The following ACOT12 variants were observed in gnomAD, a reference collection of about 807,000 sequenced individuals.
ACOT12 encodes acetyl-coenzyme A thioesterase.
ACOT12 carries 51 observed loss-of-function variants against 67.7 expected under a neutral mutation model. That is an observed-to-expected ratio of 0.75 (90% CI 0.60 to 0.95). The LOEUF (loss-of-function observed/expected upper bound fraction) is 0.95. ACOT12 is among the 40% of genes least tolerant of loss of function. ACOT12 has a pLI of 0.00. For missense variants in ACOT12, 734 were observed against 708.1 expected (o/e 1.04, Z -0.41); for synonymous variants, 251 against 244.6 (o/e 1.03, Z -0.24).
At chr5:81,390,102 A>G (rs971891939) in intron 1 of ACOT12, among the ~76,000 whole-genome samples, 5 of 150,248 alleles carry the variant, frequency 3.3e-5, no homozygotes, top group African/African-American at 1.2e-4. Flanking sequence ...CTACAGGTAC[A>G]TGCTACCATG....
chr5:81,373,512 A>G (rs1760317287), intron 2 of ACOT12, among the ~76,000 whole-genome samples: 1 of 152,180 alleles, frequency 6.6e-6, no homozygotes, highest in African/African-American at 2.4e-5. Flanking sequence ...AACACCAGCA[A>G]GACAAAACCA....
At chr5:81,358,028 A>AG (rs1308984269) in intron 5 of ACOT12, among the ~76,000 whole-genome samples, 3 of 137,004 alleles carry the variant, frequency 2.2e-5, no homozygotes, top group Non-Finnish European at 3.2e-5. Flanking sequence ...AAAAAAAAAA[A>AG]AAGAAGAAGA....
intron 5 of ACOT12, among the ~76,000 whole-genome samples, chr5:81,351,165 C>T (rs979488925): frequency 2.0e-5 from 3 of 152,188 alleles, no homozygotes; most frequent in African/African-American, 7.2e-5. Context: ...CTAAAGTGAT[C>T]TTTGAAAGAA....
chr5:81,332,459 T>A lies in ACOT12; in HGVS notation c.1391+18A>T. 6.2e-7 allele frequency: 1 copy of A among 1,613,240 alleles called. No homozygotes were observed. Among genetic ancestry groups the A allele is most frequent in the Non-Finnish European group, 8.5e-7 (1 of 1,179,584 alleles). On this transcript the variant is annotated intron_variant, in intron 13 of 14. Transcript: ENST00000307624. Reference sequence around the variant, plus strand: ...TACTATGAAATATTAATAGAACACTTGGACTGCATATACTCACCCATCTTT... The same window carrying A: ...TACTATGAAATATTAATAGAACACTAGGACTGCATATACTCACCCATCTTT...
intron 4 of ACOT12, among the ~76,000 whole-genome samples, chr5:81,363,086 G>C (rs1279792509): frequency 6.6e-6 from 1 of 151,952 alleles, no homozygotes; most frequent in Non-Finnish European, 1.5e-5. Context: ...GATGATCCTT[G>C]GAGTGAAAGA....
At chr5:81,366,846 T>C (rs1227481915) in intron 3 of ACOT12, among the ~76,000 whole-genome samples, 1 of 152,230 alleles carries the variant, frequency 6.6e-6, no homozygotes, top group Admixed American at 6.5e-5. Context: ...ACACAGAATG[T>C]AGCATGAAGA....
intron 5 of ACOT12, among the ~76,000 whole-genome samples, chr5:81,355,201 C>T (rs1305514915): frequency 6.6e-6 from 1 of 152,222 alleles, no homozygotes; most frequent in Non-Finnish European, 1.5e-5. Context: ...ACAGCACTTT[C>T]TGCATGCCTG....
At chr5:81,312,467 C>A in the ACOT12 span, 1 of 1,189,000 alleles carries the variant, frequency 8.4e-7, no homozygotes, top group Non-Finnish European at 1.2e-6. Context: ...GAGTTCCTTT[C>A]CCAAACCAAT....
intron 13 of ACOT12, among the ~76,000 whole-genome samples, chr5:81,332,035 A>G (rs997280894): frequency 6.6e-5 from 10 of 152,248 alleles, no homozygotes; most frequent in Admixed American, 5.9e-4. Context: ...GCTAGCTGCC[A>G]TGCTCTGAGA....
intron 3 of ACOT12, among the ~76,000 whole-genome samples, chr5:81,364,838 G>T (rs1760026641): frequency 6.9e-6 from 1 of 144,636 alleles, no homozygotes; most frequent in Admixed American, 7.0e-5. Context: ...AACCACCAGA[G>T]AGATGTACCA....
chr5:81,366,997 A>T lies in ACOT12; in HGVS notation c.259-3108T>A, dbSNP rs541950311. Among the ~76,000 whole-genome samples, 23 of 152,324 alleles carry T rather than the reference A, an allele frequency of 1.5e-4. No individual in the cohort carries two copies. In the South Asian group the frequency reaches 4.3e-3, roughly 29 times the overall value. On this transcript the variant is annotated intron_variant, in intron 3 of 14. Coordinates refer to ENST00000307624, the MANE Select transcript of ACOT12 (RefSeq NM_130767.3). ...AGTTTGAAGATATAATAGCTGAAAA[A>T]ATCCACATTTCTTAGAAACTATAAA...
rs375060279 is a variant in ACOT12, at chr5:81,367,674, G to A, written c.259-3785C>T. 6.6e-5 allele frequency among the ~76,000 whole-genome samples: 10 copies of A among 152,074 alleles called. No homozygotes were observed. In the South Asian group the frequency reaches 1.0e-3, roughly 16 times the overall value. On this transcript the variant is annotated intron_variant, in intron 3 of 14. Transcript: ENST00000307624. ...GGACAGGAAGAAACAAAGAACAGAT[G>A]GAAGAAATAGAAGACAAACAGCCAG...
chr5:81,320,215 G>A, the ACOT12 span, among the ~76,000 whole-genome samples: 1 of 152,212 alleles, frequency 6.6e-6, no homozygotes, highest in Non-Finnish European at 1.5e-5. Flanking sequence ...GAATGCAGGA[G>A]CTTCAGAAGA....
chr5:81,391,295 T>C (rs993177517), intron 1 of ACOT12, among the ~76,000 whole-genome samples: 2 of 152,240 alleles, frequency 1.3e-5, no homozygotes, highest in African/African-American at 4.8e-5. Context: ...GTCTTTGGGC[T>C]CTTCAAACCA....
At chr5:81,311,764 G>GA in the ACOT12 span, among the ~76,000 whole-genome samples, 1 of 152,116 alleles carries the variant, frequency 6.6e-6, no homozygotes, top group Non-Finnish European at 1.5e-5. Context: ...TTTTCTTCCT[G>GA]ATGAAATACC....
At position 81,336,360 on chromosome 5, in the gene ACOT12, G is replaced by C. The variant is rs145623706; in HGVS notation, c.1129-459C>G. Among the ~76,000 whole-genome samples, 31 of 152,292 alleles carry C rather than the reference G, an allele frequency of 2.0e-4. No individual in the cohort carries two copies. In the East Asian group the frequency reaches 6.0e-3, roughly 29 times the overall value. ...TCAGGCGTGTCTTTAAGTGGGCCAA[G>C]GGGATCCAGGAACTGAATCAACCAC... On this transcript the variant is annotated intron_variant, in intron 11 of 14. Transcript: ENST00000307624.
chr5:81,335,722 C>T (rs369360280), intron 12 of ACOT12, 46 bp downstream of exon 12: 26 of 1,580,802 alleles, frequency 1.6e-5, no homozygotes, highest in Non-Finnish European at 2.2e-5. Flanking sequence ...TCATCTTTTA[C>T]ATTATGTCAA....
intron 1 of ACOT12, among the ~76,000 whole-genome samples, chr5:81,386,167 C>T (rs948047099): frequency 1.1e-4 from 17 of 152,172 alleles, no homozygotes; most frequent in Non-Finnish European, 1.8e-4. Flanking sequence ...CAGGTACTAT[C>T]CTTCTTGTTT....
At chr5:81,337,385 C>T (rs1336123943) in intron 11 of ACOT12, among the ~76,000 whole-genome samples, 1 of 152,126 alleles carries the variant, frequency 6.6e-6, no homozygotes, top group Non-Finnish European at 1.5e-5. Flanking sequence ...ATTTCTCTAC[C>T]CTTCCACCCC....
Sources: gnomAD v4.1 joint callset for allele counts (sites outside exome capture counted in the v4.1 genomes callset) on GRCh38, gnomAD v4.1.1 for gene constraint, MANE v1.5 for transcripts, NCBI Gene and HGNC (gene_info 2026-07-23, HGNC 2026-07-21) for gene names.